UBA6: variants seen among roughly 807,000 people sequenced by gnomAD.
UBA6 encodes the protein ubiquitin like modifier activating enzyme 6, also known as ubiquitin-like modifier-activating enzyme 6.
A neutral mutation model predicts 148.3 loss-of-function variants in UBA6; 87 were observed. That is an observed-to-expected ratio of 0.59 (90% CI 0.49 to 0.70). The LOEUF (loss-of-function observed/expected upper bound fraction) is 0.70, where lower values mean the gene tolerates loss of function less well. Among genes scored for constraint, UBA6 ranks in the 30% least tolerant of loss-of-function variants. UBA6 has a pLI of 0.00. For synonymous variants in UBA6, 376 were observed against 401.0 expected (o/e 0.94, Z 0.75); for missense variants, 1,186 against 1,241.2 (o/e 0.96, Z 0.67).
chr4:67,699,747 G>A (rs182071995), intron 1 of UBA6, among the ~76,000 whole-genome samples: 113 of 152,088 alleles, frequency 7.4e-4, no homozygotes, highest in Non-Finnish European at 1.3e-3. Flanking sequence ...GACTACAGGC[G>A]TGCATCACCT....
chr4:67,688,370 A>C (rs1425719959), intron 2 of UBA6, among the ~76,000 whole-genome samples: 2 of 152,166 alleles, frequency 1.3e-5, no homozygotes, highest in Non-Finnish European at 2.9e-5. Context: ...TTCAGAGAAA[A>C]AGAAAGAAAT....
At chr4:67,625,367 A>T (rs2109895730) in intron 28 of UBA6, among the ~76,000 whole-genome samples, 180 bp from the exon 29 acceptor site, 1 of 151,644 alleles carries the variant, frequency 6.6e-6, no homozygotes, top group South Asian at 2.1e-4. Flanking sequence ...AGCTTTTCCC[A>T]TGATTAAAGA....
intron 2 of UBA6, among the ~76,000 whole-genome samples, chr4:67,684,497 G>A (rs376361388): frequency 1.3e-4 from 19 of 151,938 alleles, no homozygotes; most frequent in East Asian, 3.8e-4. Context: ...TTAAGTTATC[G>A]TTTGTATTAA....
intron 2 of UBA6, among the ~76,000 whole-genome samples, chr4:67,693,332 G>GTA (rs142145206): frequency 0.22 from 33,387 of 150,118 alleles, 3,814 homozygotes; most frequent in Middle Eastern, 0.29. Flanking sequence ...AGAATACTGT[G>GTA]TATATATATA....
chr4:67,665,427 G>GTTT, intron 9 of UBA6, 135 bp from the exon 10 acceptor site: 2 of 402,970 alleles, frequency 5.0e-6, no homozygotes, highest in Non-Finnish European at 8.2e-6. Flanking sequence ...TTTTTTGTTT[G>GTTT]TTTGTTTTTT....
intron 9 of UBA6, among the ~76,000 whole-genome samples, chr4:67,666,442 G>A (rs549715602): frequency 1.3e-5 from 2 of 151,440 alleles, no homozygotes; most frequent in Admixed American, 1.3e-4. Context: ...TCAGCAGAGT[G>A]AACACCAAAC....
rs1225948368 is a variant in UBA6 at position 67,677,701 on chromosome 4, A to T, written c.375T>A (p.His125Gln). Residue 125 changes from histidine (H) to glutamine (Q), a missense_variant, in exon 6 of 33, where the codon CAT (histidine) becomes CAA (glutamine). His to Gln is a conservative substitution (Grantham distance 24). Coordinates refer to ENST00000322244, the MANE Select transcript of UBA6 (RefSeq NM_018227.6). ...GAACGTATGGATTTAGTTCTGCAATATGTTTAAGTACAGCTTCAGCCCTAA... is the reference window on the plus strand; with the variant it reads ...GAACGTATGGATTTAGTTCTGCAATTTGTTTAAGTACAGCTTCAGCCCTAA... The part of the protein sequence containing the change: ...KRNRAEAVLK[H>Q]IAELNPYVHV... 6.3e-7 allele frequency: 1 copy of T among 1,595,058 alleles called. No homozygotes were observed. The highest frequency in any genetic ancestry group is 8.6e-7 in the Non-Finnish European group (1 of 1,166,012).
At position 67,644,777 on chromosome 4, in the gene UBA6, A is replaced by G; in HGVS notation, c.1397T>C (p.Val466Ala). 1.3e-6 allele frequency: 2 copies of G among 1,589,720 alleles called. No homozygotes were observed. Among genetic ancestry groups the G allele is most frequent in the Non-Finnish European group, 1.7e-6 (2 of 1,158,518 alleles). ...TTCACAGCCTATGGCTCCACACCCT[A>G]CCTATGGAGGAGAAAAATGGTATAT... is the stretch of plus-strand genomic sequence containing the variant. ...QKLQNLNIFLVGCGAIGCEML... is the reference protein window; with the variant it reads ...QKLQNLNIFLAGCGAIGCEML... Residue 466 changes from valine to alanine, a missense_variant and splice_region_variant, in exon 17 of 33, where the codon GTA (valine) becomes GCA (alanine). Transcript: ENST00000322244.
At chr4:67,651,042 C>A (rs146182669) in intron 13 of UBA6, among the ~76,000 whole-genome samples, 149 of 152,220 alleles carry the variant, frequency 9.8e-4, no homozygotes, top group African/African-American at 3.5e-3. Context: ...CTAAAAAGCA[C>A]CTAAAACCCT....
At chr4:67,691,681 A>C (rs1397781367) in intron 2 of UBA6, among the ~76,000 whole-genome samples, 1 of 152,212 alleles carries the variant, frequency 6.6e-6, no homozygotes, top group Non-Finnish European at 1.5e-5. Flanking sequence ...AGCTGAGAAA[A>C]GTCATGACAT....
At chr4:67,668,178 C>T (rs1451564980) in intron 9 of UBA6, among the ~76,000 whole-genome samples, 1 of 152,150 alleles carries the variant, frequency 6.6e-6, no homozygotes, top group Non-Finnish European at 1.5e-5. Context: ...GCCAGCCCTG[C>T]TGTATTAAAT....
At chr4:67,650,645 ACT>A (rs1287424610) in intron 13 of UBA6, among the ~76,000 whole-genome samples, 2 of 152,216 alleles carry the variant, frequency 1.3e-5, no homozygotes, top group East Asian at 1.9e-4. Context: ...CTCCATCAGC[ACT>A]CTCTCTGGAT....
chr4:67,644,676 C>A (rs1263769357), intron 17 of UBA6, 22 bp downstream of exon 17: 1 of 1,382,010 alleles, frequency 7.2e-7, no homozygotes, highest in East Asian at 2.3e-5. Context: ...AAACTTTTAA[C>A]TCTCAAGAAT....
rs1444027572 is a variant in UBA6, at chr4:67,629,150, T to TA, written c.2329-9dup. 6.3e-7 allele frequency: 1 copy of TA among 1,582,524 alleles called. No individual in the cohort carries two copies. Among genetic ancestry groups the TA allele is most frequent in the Non-Finnish European group, 8.7e-7 (1 of 1,153,496 alleles). ...GGCATCTGCTGATAAGTCCTGTTTTTAAAAAAGTAATTTTACCAACAAACA... is the reference window on the plus strand; with the variant it reads ...GGCATCTGCTGATAAGTCCTGTTTTTAAAAAAAGTAATTTTACCAACAAACA... On this transcript the variant is annotated splice_polypyrimidine_tract_variant and intron_variant, in intron 26 of 32. Transcript: ENST00000322244.
intron 27 of UBA6, among the ~76,000 whole-genome samples, chr4:67,627,725 C>T (rs1306436982): frequency 6.6e-6 from 1 of 150,572 alleles, no homozygotes; most frequent in South Asian, 2.1e-4. Context: ...AAACGCAGAA[C>T]GAAAGACTGC....
At chr4:67,664,740 T>G (rs190196129) in intron 10 of UBA6, among the ~76,000 whole-genome samples, 3 of 152,106 alleles carry the variant, frequency 2.0e-5, no homozygotes, top group Non-Finnish European at 2.9e-5. Flanking sequence ...AAAATTAAAT[T>G]AAAATTTAAA....
chr4:67,680,262 C>T lies in UBA6; in HGVS notation c.258+1301G>A, dbSNP rs72642384. On this transcript the variant is annotated intron_variant, in intron 4 of 32. Coordinates refer to ENST00000322244, the MANE Select transcript of UBA6 (RefSeq NM_018227.6). The stretch of plus-strand genomic sequence containing the variant: ...CACTGCCCCTAATGAAATAATGAAT[C>T]TAGGCAATAATAATTAACAGCTAAT... Among the ~76,000 whole-genome samples, 813 of 152,084 alleles carry T rather than the reference C, an allele frequency of 5.3e-3. 6 individuals carry two copies. The highest frequency in any genetic ancestry group is 9.0e-3 in the Non-Finnish European group (614 of 67,986).
At chr4:67,686,937 G>GCAAGACAA (rs1730579678) in intron 2 of UBA6, among the ~76,000 whole-genome samples, 1 of 91,128 alleles carries the variant, frequency 1.1e-5, no homozygotes. Context: ...CTGGGCAACA[G>GCAAGACAA]CAAGATCCTG....
At chr4:67,650,297 T>C (rs1251529426) in intron 13 of UBA6, among the ~76,000 whole-genome samples, 2 of 152,130 alleles carry the variant, frequency 1.3e-5, no homozygotes, top group East Asian at 3.8e-4. Context: ...AACTGAAACA[T>C]TGAAAAATTA....
Sources: gnomAD v4.1 joint callset for allele counts (sites outside exome capture counted in the v4.1 genomes callset) on GRCh38, gnomAD v4.1.1 for gene constraint, MANE v1.5 for transcripts, NCBI Gene and HGNC (gene_info 2026-07-23, HGNC 2026-07-21) for gene names.